Variants in CHTF18 observed in about 807,000 individuals in gnomAD.
CHTF18 encodes the protein chromosome transmission fidelity protein 18 homolog.
A neutral mutation model predicts 113.4 loss-of-function variants in CHTF18; 151 were observed. The observed-to-expected ratio is 1.33, with a 90% CI of 1.17 to 1.52. The LOEUF is 1.52. Among genes scored for constraint, CHTF18 ranks in the 40% most tolerant of loss-of-function variants. The pLI, the probability that CHTF18 is intolerant of heterozygous loss-of-function variation, is 0.00. For synonymous variants in CHTF18, 916 were observed against 598.8 expected (o/e 1.53, Z -7.74); for missense variants, 1,982 against 1,381.6 (o/e 1.43, Z -6.89).
intron 18 of CHTF18, 55 bp downstream of exon 18, chr16:796,132 C>T (rs2042340471): frequency 1.9e-6 from 3 of 1,560,604 alleles, no homozygotes; most frequent in South Asian, 1.2e-5. Flanking sequence ...CGGCTGTGCT[C>T]CATGTTCAGG....
rs1347400010 is a variant in CHTF18 at position 795,304 on chromosome 16, T to C, written c.2123T>C (p.Leu708Pro). 26 of 1,548,510 alleles carry C rather than the reference T, an allele frequency of 1.7e-5. No homozygotes were observed. The Admixed American group carries it at 4.3e-4, about 26-fold the overall frequency. ...PPFLPVAFHV[L>P]FASSHTPRIT... ...TTCCTGCCCGTGGCCTTCCATGTGC[T>C]GTTTGCTTCCAGCCACACACCCAGG... Residue 708 changes from leucine (L) to proline (P), a missense_variant, in exon 16 of 22, where the codon CTG (leucine) becomes CCG (proline). Coordinates refer to ENST00000262315, the MANE Select transcript of CHTF18 (RefSeq NM_022092.3).
rs754328015 is a variant in CHTF18, at chr16:792,710, C to G, written c.1479-8C>G. 1 of 1,568,444 alleles carries G rather than the reference C, an allele frequency of 6.4e-7. No homozygotes were observed. The highest frequency in any genetic ancestry group is 8.6e-7 in the Non-Finnish European group (1 of 1,161,978). ...CCTGGGGTCCCTGGCCCTGCCGCCT[C>G]TCCTCAGGTTCGCACCGTCCCTGCG... is the stretch of plus-strand genomic sequence containing the variant. On this transcript the variant is annotated splice_region_variant and splice_polypyrimidine_tract_variant and intron_variant, in intron 11 of 21. Transcript: ENST00000262315.
rs1030261634 is a variant in CHTF18 at position 795,846 on chromosome 16, C to T, written c.2325+12C>T. The T allele has an allele frequency of 5.6e-6, 9 of 1,607,948 alleles. No individual in the cohort carries two copies. Among genetic ancestry groups the T allele is most frequent in the African/African-American group, 4.0e-5 (3 of 74,718 alleles). Reference sequence around the variant, plus strand: ...CCAAGCTCCGCCCCGTGAGTGCCGTCCCCGGGGTGGGGGATTCCCCGCCTG... The same window carrying T: ...CCAAGCTCCGCCCCGTGAGTGCCGTTCCCGGGGTGGGGGATTCCCCGCCTG... On this transcript the variant is annotated intron_variant, in intron 17 of 21. Coordinates refer to ENST00000262315, the MANE Select transcript of CHTF18 (RefSeq NM_022092.3).
chr16:795,145 A>G lies in CHTF18; in HGVS notation c.1964A>G (p.Asn655Ser), dbSNP rs756406472. Residue 655 changes from asparagine (N) to serine (S), a missense_variant, in exon 16 of 22, where the codon AAC (asparagine) becomes AGC (serine). Asn to Ser is a conservative substitution (Grantham distance 46). Transcript: ENST00000262315. ...GGCCGCCTGCAGGGCTTGTTTGACA[A>G]CTTCCTGCGTCTGCGGCTGCGAGAC... is the stretch of plus-strand genomic sequence containing the variant. ...HEKVVQGLFDNFLRLRLRDSS... is the reference protein window; with the variant it reads ...HEKVVQGLFDSFLRLRLRDSS... 19 of 1,548,756 alleles carry G rather than the reference A, an allele frequency of 1.2e-5. No individual in the cohort carries two copies. In the Admixed American group the frequency reaches 2.9e-4, roughly 24 times the overall value.
rs115612427 is a variant in CHTF18, at chr16:796,720, C to T, written c.2460C>T (p.Asn820=). The change falls in exon 19 of 22, where the codon AAC becomes AAT. Residue 820 remains asparagine (N), a synonymous_variant. Coordinates refer to ENST00000262315, the MANE Select transcript of CHTF18 (RefSeq NM_022092.3). ...GGTGTCCCCCTGTGCTGAGCAGGAA[C>T]GTGGAGGAACTCTGCCGCTTCCCTG... The part of the protein sequence containing the change: ...DGQYIYRLEP[N]VEELCRFPEL... 8.6e-4 allele frequency: 1,375 copies of T among 1,599,062 alleles called. 14 individuals carry two copies. In the African/African-American group the frequency reaches 0.016, roughly 18 times the overall value.
intron 3 of CHTF18, 24 bp from the exon 4 acceptor site, chr16:789,523 C>A: frequency 6.4e-7 from 1 of 1,574,732 alleles, no homozygotes; most frequent in Admixed American, 1.8e-5. Flanking sequence ...GAGTTTCTGC[C>A]ACTGAGCCCC....
rs566552327 is a variant in CHTF18, at chr16:791,426, C to T, written c.1104+56C>T. On this transcript the variant is annotated intron_variant, in intron 8 of 21. Coordinates refer to ENST00000262315, the MANE Select transcript of CHTF18 (RefSeq NM_022092.3). ...AAGCCTGAGGCTTTGCACTCGGCGC[C>T]GGCACCCTTGCAGCCTGTTGACTTT... The T allele has an allele frequency of 4.8e-5, 73 of 1,516,074 alleles. 1 individual carries two copies. The highest frequency in any genetic ancestry group is 3.6e-4 in the East Asian group (15 of 41,268). The allele number at this position is 1,516,074 out of a possible 1,614,324, so 93.9% of individuals were successfully genotyped here.
chr16:793,644 C>T (rs2042261665), intron 14 of CHTF18: 1 of 532,818 alleles, frequency 1.9e-6, no homozygotes. Context: ...CACTGCTTGG[C>T]CTCCCGTGGG....
At chr16:790,950 G>A in intron 7 of CHTF18, 1 of 1,434,982 alleles carries the variant, frequency 7.0e-7, no homozygotes, top group Non-Finnish European at 9.1e-7. Context: ...CCTGGGGAGG[G>A]CAGGGGCCTC....
chr16:791,696 T>G, intron 8 of CHTF18, 155 bp from the exon 9 acceptor site: 1 of 1,430,440 alleles, frequency 7.0e-7, no homozygotes, highest in South Asian at 1.5e-5. Context: ...GCCATCTTGG[T>G]GTGTGAAAGT....
intron 7 of CHTF18, 119 bp from the exon 8 acceptor site, chr16:791,041 GT>G (rs1209044244): frequency 6.7e-6 from 10 of 1,486,596 alleles, no homozygotes; most frequent in Non-Finnish European, 8.9e-6. Context: ...GAAGACGGGG[GT>G]GGCCATTCAT....
At chr16:792,839 C>G in intron 12 of CHTF18, 28 bp downstream of exon 12, 1 of 1,537,086 alleles carries the variant, frequency 6.5e-7, no homozygotes, top group Admixed American at 2.0e-5. Flanking sequence ...AGCCGTGTGG[C>G]TGATGGCGGG....
intron 3 of CHTF18, 73 bp from the exon 4 acceptor site, chr16:789,474 C>A: frequency 6.5e-7 from 1 of 1,538,112 alleles, no homozygotes. Context: ...TGGCTGAGAG[C>A]AGTCTCGGAC....
intron 14 of CHTF18, 153 bp from the exon 15 acceptor site, chr16:793,901 G>A (rs551259114): frequency 1.2e-6 from 1 of 815,088 alleles, no homozygotes; most frequent in Non-Finnish European, 1.9e-6. Context: ...GCGTGTCTTT[G>A]GCTGTCTCCA....
chr16:789,773 C>G (rs1328524105), intron 4 of CHTF18, 58 bp downstream of exon 4: 2 of 1,486,158 alleles, frequency 1.3e-6, no homozygotes, highest in Non-Finnish European at 1.8e-6. Flanking sequence ...AGGAAAGGGT[C>G]CTTGGAGCCC....
chr16:797,581 C>T lies in CHTF18; in HGVS notation c.2734-113C>T, dbSNP rs906824795. ...GCCTGGGCCAGGTTCCGAAAGGTGTCTCAGAGGTGTTCTGGTCCCTCCTCC... is the reference window on the plus strand; with the variant it reads ...GCCTGGGCCAGGTTCCGAAAGGTGTTTCAGAGGTGTTCTGGTCCCTCCTCC... On this transcript the variant is annotated intron_variant, in intron 20 of 21. Transcript: ENST00000262315. 4.3e-6 allele frequency: 5 copies of T among 1,169,010 alleles called. No individual in the cohort carries two copies. The African/African-American group carries it at 6.0e-5, about 14-fold the overall frequency. The allele number at this position is 1,169,010 out of a possible 1,614,324, so 72.4% of individuals were successfully genotyped here. A position where few individuals can be genotyped will look rare whatever the true frequency, so the allele number is the denominator to read the frequency against.
chr16:796,917 TGTATCCCTG>T, intron 19 of CHTF18, 35 bp from the exon 20 acceptor site: 2 of 1,538,628 alleles, frequency 1.3e-6, no homozygotes, highest in Non-Finnish European at 1.8e-6. Flanking sequence ...CCATCCCCAC[TGTATCCCTG>T]TGTGGCCAGA....
In CHTF18 at chr16:797,021, C is replaced by T. The variant is rs1327386348; in HGVS notation, c.2662C>T (p.His888Tyr). 2 of 1,557,136 alleles carry T rather than the reference C, an allele frequency of 1.3e-6. No homozygotes were observed. The highest frequency in any genetic ancestry group is 1.4e-5 in the African/African-American group (1 of 73,114). Residue 888 changes from histidine (H) to tyrosine (Y), a missense_variant, in exon 20 of 22, where the codon CAC becomes TAC. His to Tyr is a moderately conservative substitution (Grantham distance 83). Coordinates refer to ENST00000262315, the MANE Select transcript of CHTF18 (RefSeq NM_022092.3). ...LLGGIGEKGV[H>Y]RPAPRNHEQR... The stretch of plus-strand genomic sequence containing the variant: ...GGGGGGCATTGGGGAGAAAGGGGTG[C>T]ACCGACCTGCCCCACGCAACCATGA...
At chr16:789,845 G>A (rs2042127389) in intron 4 of CHTF18, 130 bp downstream of exon 4, 3 of 1,333,338 alleles carry the variant, frequency 2.2e-6, no homozygotes, top group Non-Finnish European at 3.0e-6. Context: ...CAGAGGGGGA[G>A]GCTGCGTCAT....
Sources: gnomAD v4.1 joint callset for allele counts on GRCh38, gnomAD v4.1.1 for gene constraint, MANE v1.5 for transcripts, NCBI Gene and HGNC (gene_info 2026-07-23, HGNC 2026-07-21) for gene names.